Variants in RGS12 observed in about 807,000 individuals in gnomAD.
RGS12 encodes the protein regulator of G protein signaling 12, also known as regulator of G-protein signaling 12.
In RGS12, 66 loss-of-function variants were observed where a neutral mutation model predicts 120.1. The observed-to-expected ratio is 0.55, with a 90% CI of 0.45 to 0.67. The LOEUF (loss-of-function observed/expected upper bound fraction) is 0.67. RGS12 is among the 30% of genes least tolerant of loss of function. The probability of loss-of-function intolerance (pLI) is 0.00; values close to 1 mark genes in which losing one functional copy is unlikely to be tolerated. For synonymous variants in RGS12, 827 were observed against 804.7 expected, an observed-to-expected ratio of 1.03 and a Z score of -0.47; for missense variants, 1,859 against 1,957.7, an observed-to-expected ratio of 0.95 and a Z score of 0.95.
At chr4:3,425,677 G>GCTA in intron 14 of RGS12, 117 bp downstream of exon 14, 1 of 383,090 alleles carries the variant, frequency 2.6e-6, no homozygotes. Context: ...GGAGGGGCAG[G>GCTA]TGGGGCTTGC....
At chr4:3,355,378 G>A (rs1490570245) in intron 3 of RGS12, among the ~76,000 whole-genome samples, 1 of 152,152 alleles carries the variant, frequency 6.6e-6, no homozygotes, top group Admixed American at 6.5e-5. Flanking sequence ...ATCGTTACCG[G>A]AAGTCCTGGT....
upstream of RGS12, among the ~76,000 whole-genome samples, chr4:3,292,380 G>T (rs1180103873): frequency 6.6e-6 from 1 of 152,206 alleles, no homozygotes; most frequent in Non-Finnish European, 1.5e-5. Context: ...CAGTCACCGC[G>T]CCGCCTTCGC....
At chr4:3,300,365 C>T (rs1330319905) in intron 1 of RGS12, among the ~76,000 whole-genome samples, 2 of 152,144 alleles carry the variant, frequency 1.3e-5, no homozygotes, top group African/African-American at 4.8e-5. Context: ...TGGAGTCCAG[C>T]CTGGGAGTTA....
intron 3 of RGS12, among the ~76,000 whole-genome samples, chr4:3,346,907 C>T (rs1000391941): frequency 2.0e-5 from 3 of 152,092 alleles, no homozygotes; most frequent in Non-Finnish European, 4.4e-5. Context: ...ATTCTATGCA[C>T]GTTCTCAAAT....
At chr4:3,350,331 A>G (rs1714240558) in intron 3 of RGS12, among the ~76,000 whole-genome samples, 1 of 152,228 alleles carries the variant, frequency 6.6e-6, no homozygotes, top group Non-Finnish European at 1.5e-5. Context: ...GACAGTTTTG[A>G]AGACACTTCT....
intron 4 of RGS12, among the ~76,000 whole-genome samples, chr4:3,392,441 C>T (rs771050633): frequency 2.8e-4 from 42 of 152,112 alleles, no homozygotes; most frequent in Non-Finnish European, 5.6e-4. Context: ...CCTGGTTTTC[C>T]CTTCAGCTCA....
At chr4:3,437,716 T>C (rs1413554116) in intron 17 of RGS12, among the ~76,000 whole-genome samples, 1 of 151,892 alleles carries the variant, frequency 6.6e-6, no homozygotes, top group African/African-American at 2.4e-5. Context: ...CCAGATGGCA[T>C]CTCCACCGGG....
At chr4:3,346,727 C>G (rs1023310286) in intron 3 of RGS12, among the ~76,000 whole-genome samples, 1 of 152,204 alleles carries the variant, frequency 6.6e-6, no homozygotes, top group Non-Finnish European at 1.5e-5. Context: ...CTTCTCTCTA[C>G]ATTGATCACA....
intron 4 of RGS12, among the ~76,000 whole-genome samples, chr4:3,395,206 C>CT (rs1264247147): frequency 1.4e-5 from 2 of 139,974 alleles, no homozygotes; most frequent in Non-Finnish European, 3.0e-5. Context: ...GAGAGTCCAT[C>CT]TAAAAAAAAA....
At position 3,422,995 on chromosome 4, in the gene RGS12, T is replaced by A; in HGVS notation, c.3107+17T>A. On this transcript the variant is annotated intron_variant, in intron 12 of 17. Coordinates refer to ENST00000336727, the MANE Select transcript of RGS12 (RefSeq NM_001394154.1). ...CTTGTTTCGGTAAGAGGAAGATCGC[T>A]GTCATTCACCTGAGGCTCCCAGAGC... is the stretch of plus-strand genomic sequence containing the variant. The A allele has an allele frequency of 6.2e-7, 1 of 1,609,288 alleles. No homozygotes were observed. The highest frequency in any genetic ancestry group is 8.5e-7 in the Non-Finnish European group (1 of 1,176,654).
intron 3 of RGS12, among the ~76,000 whole-genome samples, chr4:3,352,272 A>G (rs1714429845): frequency 6.6e-6 from 1 of 152,190 alleles, no homozygotes; most frequent in Admixed American, 6.5e-5. Context: ...AATGAAGTAA[A>G]AAAGAGCTTC....
intron 10 of RGS12, among the ~76,000 whole-genome samples, chr4:3,421,972 C>T (rs1410657767): frequency 6.6e-6 from 1 of 152,192 alleles, no homozygotes; most frequent in East Asian, 1.9e-4. Flanking sequence ...GGCGACGTTT[C>T]CATTGGAACG....
rs1192635561 is a variant in RGS12, at chr4:3,316,741, C to A, written c.571C>A (p.Pro191Thr). The stretch of plus-strand genomic sequence containing the variant: ...ACATGAAAGTATAAATAATCCAAAT[C>A]CCAACATGCTTTCTAAGGAGGAAAT... ...VGHESINNPN[P>T]NMLSKEEISK... Residue 191 changes from proline to threonine, a missense_variant, in exon 2 of 18, where the codon CCC (proline) becomes ACC (threonine). Physicochemically the swap from Pro to Thr is conservative, Grantham distance 38. Coordinates refer to ENST00000336727, the MANE Select transcript of RGS12 (RefSeq NM_001394154.1). 2 of 1,614,192 alleles carry A rather than the reference C, an allele frequency of 1.2e-6. No individual in the cohort carries two copies. Among genetic ancestry groups the A allele is most frequent in the Non-Finnish European group, 1.7e-6 (2 of 1,180,026 alleles).
rs564559576 is a variant in RGS12, at chr4:3,391,313, T to C, written c.2020+4876T>C. ...TGATTTCTGCCAGGATGCCTTCCGA[T>C]GTACTTGTTTCTTTCCAATTCTACA... On this transcript the variant is annotated intron_variant, in intron 4 of 17. Transcript: ENST00000336727. 6.6e-5 allele frequency among the ~76,000 whole-genome samples: 10 copies of C among 152,386 alleles called. No individual in the cohort carries two copies. In the South Asian group the frequency reaches 1.7e-3, roughly 25 times the overall value.
rs764058578 is a variant in RGS12, at chr4:3,342,956, G to A, written c.1901G>A (p.Gly634Glu). 3.4e-5 allele frequency: 55 copies of A among 1,613,606 alleles called. No individual in the cohort carries two copies. In the Middle Eastern group the frequency reaches 4.9e-4, roughly 14 times the overall value. Residue 634 changes from glycine (G) to glutamate (E), a missense_variant, in exon 3 of 18, where the codon GGA (glycine) becomes GAA (glutamate). Coordinates refer to ENST00000336727, the MANE Select transcript of RGS12 (RefSeq NM_001394154.1). ...GTTTAGGGCTCAAAATTTGGGCGGG[G>A]AACTGGACTCACTCAGCCTTCTCAA... is the stretch of plus-strand genomic sequence containing the variant. ...EDKKGSKFGR[G>E]TGLTQPSQRT...
At chr4:3,309,078 C>T (rs1423725229) in intron 1 of RGS12, among the ~76,000 whole-genome samples, 25 of 117,296 alleles carry the variant, frequency 2.1e-4, no homozygotes, top group Admixed American at 4.3e-4. Flanking sequence ...AGCTGGGACT[C>T]GGGAATGGCA....
rs1407023234 is a variant in RGS12 at position 3,414,222 on chromosome 4, T to G, written c.2171T>G (p.Val724Gly). ...TTTGAGCGCCTGCTGCAGGACCCCG[T>G]CGGTGTCCGCTACTTCTCTGTGAGT... Reference protein sequence around the residue: ...VSFERLLQDPVGVRYFSDFLR... With the variant: ...VSFERLLQDPGGVRYFSDFLR... The change falls in exon 5 of 18, where the codon GTC becomes GGC. Residue 724 changes from valine to glycine, a missense_variant. Coordinates refer to ENST00000336727, the MANE Select transcript of RGS12 (RefSeq NM_001394154.1). 4 of 1,544,614 alleles carry G rather than the reference T, an allele frequency of 2.6e-6. No homozygotes were observed. The highest frequency in any genetic ancestry group is 3.5e-6 in the Non-Finnish European group (4 of 1,148,496).
chr4:3,308,601 GC>G (rs1724107323), intron 1 of RGS12, among the ~76,000 whole-genome samples: 1 of 152,238 alleles, frequency 6.6e-6, no homozygotes, highest in South Asian at 2.1e-4. Flanking sequence ...CCACCTGGCT[GC>G]CTAAGGCCCA....
intron 1 of RGS12, among the ~76,000 whole-genome samples, chr4:3,293,617 T>G (rs1202916676): frequency 6.6e-6 from 1 of 152,094 alleles, no homozygotes; most frequent in Non-Finnish European, 1.5e-5. Context: ...GATTGTGCAG[T>G]GTAGACAGAG....
Sources: allele counts gnomAD v4.1 joint callset (sites outside exome capture counted in the v4.1 genomes callset), GRCh38; gene constraint gnomAD v4.1.1; transcripts MANE v1.5; gene names NCBI Gene and HGNC (gene_info 2026-07-23, HGNC 2026-07-21).